RNF2: variants seen among roughly 807,000 people sequenced by gnomAD.
RNF2 encodes ring finger protein 2.
RNF2 carries 6 observed loss-of-function variants against 37.2 expected under a neutral mutation model. The ratio of observed to expected loss-of-function variants is 0.16; its 90% CI spans 0.09 to 0.32. The LOEUF (loss-of-function observed/expected upper bound fraction) is 0.32. Among genes scored for constraint, RNF2 ranks in the 10% least tolerant of loss-of-function variants. The probability of loss-of-function intolerance (pLI) is 1.00; values close to 1 mark genes in which losing one functional copy is unlikely to be tolerated. For missense variants in RNF2, 251 were observed against 404.0 expected (o/e 0.62, Z 3.25); for synonymous variants, 133 against 132.7 (o/e 1.00, Z -0.02).
intron 1 of RNF2, among the ~76,000 whole-genome samples, chr1:185,061,699 T>C (rs1316786306): frequency 1.3e-5 from 2 of 152,180 alleles, no homozygotes; most frequent in Non-Finnish European, 2.9e-5. Flanking sequence ...GATAAAAGAT[T>C]AGAGGAAACA....
intron 1 of RNF2, among the ~76,000 whole-genome samples, chr1:185,066,333 C>T (rs1193823431): frequency 6.6e-6 from 1 of 152,150 alleles, no homozygotes; most frequent in African/African-American, 2.4e-5. Flanking sequence ...TAATAGTGAA[C>T]TACTTGGAGT....
intron 1 of RNF2, among the ~76,000 whole-genome samples, chr1:185,070,622 T>G (rs1338522036): frequency 6.6e-6 from 1 of 151,540 alleles, no homozygotes; most frequent in African/African-American, 2.4e-5. Flanking sequence ...TTCTGTAGAC[T>G]GCAGTATTTT....
At position 185,102,475 on chromosome 1, in the gene RNF2, T is replaced by C. The variant is rs1161543690; in HGVS notation, c.*2174T>C. Reference sequence around the variant, plus strand: ...ACAGTTTTAACCATTTTAAGGCATGTAATTCAGTGGGGTTAGGTACATTCA... The same window carrying C: ...ACAGTTTTAACCATTTTAAGGCATGCAATTCAGTGGGGTTAGGTACATTCA... On this transcript the variant is annotated 3_prime_UTR_variant, in exon 7 of 7. Coordinates refer to ENST00000367510, the MANE Select transcript of RNF2 (RefSeq NM_007212.4). The C allele has an allele frequency of 6.6e-6, 1 of 152,218 alleles. No individual in the cohort carries two copies. Among genetic ancestry groups the C allele is most frequent in the Non-Finnish European group, 1.5e-5 (1 of 68,012 alleles). The allele number at this position is 152,218 out of a possible 1,614,324, so 9.4% of individuals were successfully genotyped here.
chr1:185,079,074 C>G (rs1369418627), intron 1 of RNF2, among the ~76,000 whole-genome samples: 1 of 131,952 alleles, frequency 7.6e-6, no homozygotes, highest in Non-Finnish European at 1.6e-5. Flanking sequence ...ATGACTAGAT[C>G]TTTTCTTTTT....
chr1:185,052,593 G>A (rs1335752173), intron 1 of RNF2, among the ~76,000 whole-genome samples: 2 of 152,184 alleles, frequency 1.3e-5, no homozygotes, highest in Non-Finnish European at 2.9e-5. Context: ...GTTTTACTTT[G>A]GAGTAATGGA....
intron 4 of RNF2, among the ~76,000 whole-genome samples, chr1:185,094,575 G>A (rs1172793689): frequency 6.6e-6 from 1 of 152,096 alleles, no homozygotes; most frequent in Non-Finnish European, 1.5e-5. Context: ...ATTGAAGTAA[G>A]TTCCCAACTG....
At chr1:185,073,784 A>G (rs949575468) in intron 1 of RNF2, among the ~76,000 whole-genome samples, 1 of 152,240 alleles carries the variant, frequency 6.6e-6, no homozygotes, top group African/African-American at 2.4e-5. Context: ...TTCTTCTCAC[A>G]ACATTTCTGA....
chr1:185,060,569 A>G (rs996914846), intron 1 of RNF2, among the ~76,000 whole-genome samples: 9 of 152,200 alleles, frequency 5.9e-5, no homozygotes, highest in African/African-American at 1.7e-4. Flanking sequence ...CTTTATAAGA[A>G]TGTGATGAAT....
intron 1 of RNF2, among the ~76,000 whole-genome samples, chr1:185,068,268 A>T (rs559708675): frequency 2.0e-4 from 31 of 152,292 alleles, no homozygotes; most frequent in African/African-American, 6.7e-4. Flanking sequence ...AGTCACTCTT[A>T]CTTTGGTCAG....
intron 1 of RNF2, among the ~76,000 whole-genome samples, chr1:185,053,114 T>C (rs933245129): frequency 6.6e-6 from 1 of 152,164 alleles, no homozygotes; most frequent in Non-Finnish European, 1.5e-5. Context: ...GCTCTAGACA[T>C]TGAAGTCTCA....
intron 1 of RNF2, among the ~76,000 whole-genome samples, chr1:185,062,938 T>TA (rs972650677): frequency 2.6e-5 from 4 of 152,190 alleles, no homozygotes; most frequent in South Asian, 2.1e-4. Context: ...CAGGGTTTTT[T>TA]AAAAAAATGT....
chr1:185,098,996 T>C (rs965392858), intron 5 of RNF2, among the ~76,000 whole-genome samples: 6 of 151,070 alleles, frequency 4.0e-5, no homozygotes, highest in African/African-American at 1.5e-4. Flanking sequence ...GTGATCCGCC[T>C]GCCTTGGCCT....
intron 1 of RNF2, among the ~76,000 whole-genome samples, chr1:185,069,450 C>G (rs1376451859): frequency 6.8e-6 from 1 of 147,628 alleles, no homozygotes; most frequent in Admixed American, 6.7e-5. Context: ...AGAGTGAGAC[C>G]CTGTCTAAAA....
At chr1:185,076,308 T>TTTTTTTTTTTTTTTTG (rs1431777673) in intron 1 of RNF2, among the ~76,000 whole-genome samples, 3 of 113,244 alleles carry the variant, frequency 2.6e-5, no homozygotes, top group African/African-American at 3.6e-5. Context: ...TTTTTTTTTT[T>TTTTTTTTTTTTTTTTG]GAGACAGAGT....
At chr1:185,068,295 A>G (rs750628912) in intron 1 of RNF2, among the ~76,000 whole-genome samples, 4 of 152,168 alleles carry the variant, frequency 2.6e-5, no homozygotes, top group Admixed American at 6.5e-5. Flanking sequence ...AGGCTGAAAA[A>G]TGTCCCCCAA....
intron 4 of RNF2, 76 bp downstream of exon 4, chr1:185,093,352 A>C: frequency 7.2e-7 from 1 of 1,384,478 alleles, no homozygotes; most frequent in Non-Finnish European, 1.0e-6. Flanking sequence ...ACTTTTTGAA[A>C]AAGGTAAAAT....
chr1:185,082,345 CTTTTTTTTTTTTTTTT>C (rs3036553), intron 1 of RNF2, among the ~76,000 whole-genome samples: 1 of 72,000 alleles, frequency 1.4e-5, no homozygotes. Flanking sequence ...CTCTGCAGAA[CTTTTTTTTTTTTTTTT>C]TTTTTTGAAG....
intron 4 of RNF2, among the ~76,000 whole-genome samples, chr1:185,093,796 C>T (rs1049574179): frequency 1.3e-5 from 2 of 152,132 alleles, no homozygotes; most frequent in African/African-American, 4.8e-5. Context: ...TTACTTGTTT[C>T]TTTTGTACTT....
intron 2 of RNF2, 90 bp from the exon 3 acceptor site, chr1:185,091,489 G>GT: frequency 7.5e-7 from 1 of 1,340,724 alleles, no homozygotes; most frequent in Non-Finnish European, 1.0e-6. Context: ...ATATATGTTT[G>GT]TTTTTACCAT....
Sources: gnomAD v4.1 joint callset for allele counts (sites outside exome capture counted in the v4.1 genomes callset) on GRCh38, gnomAD v4.1.1 for gene constraint, MANE v1.5 for transcripts, NCBI Gene and HGNC (gene_info 2026-07-23, HGNC 2026-07-21) for gene names.